The following MIPEP variants were observed in gnomAD, a reference collection of about 807,000 sequenced individuals.
The protein encoded by MIPEP is mitochondrial intermediate peptidase.
In MIPEP, 79 loss-of-function variants were observed where a neutral mutation model predicts 90.3. That is an observed-to-expected ratio of 0.87 (90% CI 0.73 to 1.05). The LOEUF is 1.05. Ranked by LOEUF, MIPEP falls within the 50% of genes least tolerant of loss-of-function variation. The probability of loss-of-function intolerance (pLI) is 0.00; values close to 1 mark genes in which losing one functional copy is unlikely to be tolerated. For synonymous variants in MIPEP, 334 were observed against 315.8 expected (o/e 1.06, Z -0.61); for missense variants, 940 against 905.6 (o/e 1.04, Z -0.49).
intron 18 of MIPEP, among the ~76,000 whole-genome samples, chr13:23,740,580 T>G (rs371554133): frequency 2.0e-5 from 3 of 152,216 alleles, no homozygotes; most frequent in Non-Finnish European, 4.4e-5. Context: ...ATCTTTTTGT[T>G]TGATCAAAGA....
Position 23,773,830 on chromosome 13 carries a change from GATAC to G in MIPEP, c.1849-13617_1849-13614del, listed in dbSNP as rs1045503879. 2.2e-4 allele frequency among the ~76,000 whole-genome samples: 34 copies of G among 152,142 alleles called. 1 individual carries two copies. Among genetic ancestry groups the G allele is most frequent in the African/African-American group, 8.2e-4 (34 of 41,410 alleles). ...TTTTCTAAAGATTAAACTCTGATCA[GATAC>G]ATATTCTCCCATTCTGTGGGTTATT... On this transcript the variant is annotated intron_variant, in intron 16 of 18. Transcript: ENST00000382172.
At position 23,730,315 on chromosome 13, in the gene MIPEP, T is replaced by C. The variant is rs1952190711; in HGVS notation, c.*33A>G. On this transcript the variant is annotated 3_prime_UTR_variant, in exon 19 of 19. Coordinates refer to ENST00000382172, the MANE Select transcript of MIPEP (RefSeq NM_005932.4). ...ATTTATAACAAAGTCATTATCTACATGACCTTGATTTAAGAGGTGTAGAGT... is the reference window on the plus strand; with the variant it reads ...ATTTATAACAAAGTCATTATCTACACGACCTTGATTTAAGAGGTGTAGAGT... 7.3e-7 allele frequency: 1 copy of C among 1,372,502 alleles called. No homozygotes were observed. The highest frequency in any genetic ancestry group is 1.0e-6 in the Non-Finnish European group (1 of 967,792). 85.0% of individuals were successfully genotyped at this position (1,372,502 alleles called of 1,614,324 possible).
At chr13:23,736,370 G>T (rs573856392) in intron 18 of MIPEP, among the ~76,000 whole-genome samples, 2 of 152,188 alleles carry the variant, frequency 1.3e-5, no homozygotes, top group South Asian at 2.1e-4. Context: ...GAGGGACAGA[G>T]AATATATAAA....
intron 16 of MIPEP, among the ~76,000 whole-genome samples, chr13:23,792,348 C>G (rs1453606870): frequency 1.3e-5 from 2 of 152,170 alleles, no homozygotes; most frequent in Non-Finnish European, 2.9e-5. Flanking sequence ...ATTTCCTGAT[C>G]TTCTGCTCTC....
At chr13:23,875,063 CTT>C (rs1392319172) in intron 4 of MIPEP, among the ~76,000 whole-genome samples, 154 bp from the exon 5 acceptor site, 4 of 146,868 alleles carry the variant, frequency 2.7e-5, no homozygotes, top group African/African-American at 5.0e-5. Context: ...CACACACACA[CTT>C]TGTTTTAAAC....
At chr13:23,810,051 AAAT>A (rs1445483590) in intron 14 of MIPEP, 127 bp from the exon 15 acceptor site, 8 of 532,406 alleles carry the variant, frequency 1.5e-5, no homozygotes, top group African/African-American at 9.8e-5. Flanking sequence ...TATAGTTTAA[AAAT>A]AATAACTTTA....
rs749757346 is a variant in MIPEP at position 23,841,353 on chromosome 13, G to C, written c.1242C>G (p.Ser414Arg). The change falls in exon 11 of 19, where the codon AGC becomes AGG. Residue 414 changes from serine to arginine, a missense_variant. Coordinates refer to ENST00000382172, the MANE Select transcript of MIPEP (RefSeq NM_005932.4). ...AGCTCACCAGTTTTCGGACATCTTC[G>C]CTCCACACCTCTCCTTTTGCAGGCT... is the stretch of plus-strand genomic sequence containing the variant. ...AEQPAKGEVWSEDVRKLAVVH... is the reference protein window; with the variant it reads ...AEQPAKGEVWREDVRKLAVVH... 1.2e-6 allele frequency: 2 copies of C among 1,611,638 alleles called. No individual in the cohort carries two copies. The highest frequency in any genetic ancestry group is 2.2e-5 in the East Asian group (1 of 44,852).
intron 16 of MIPEP, among the ~76,000 whole-genome samples, chr13:23,795,368 C>T (rs1312655807): frequency 2.0e-5 from 3 of 152,166 alleles, no homozygotes; most frequent in African/African-American, 7.2e-5. Context: ...ACCCTTATGC[C>T]ATTCTTTCAA....
rs1055199788 is a variant in MIPEP at position 23,730,251 on chromosome 13, C to A, written c.*97G>T. ...TTAAAGTTTTTCAGAATTACAGAAG[C>A]GAACAATGAAATCAGAAACAAGCTC... On this transcript the variant is annotated 3_prime_UTR_variant, in exon 19 of 19. Coordinates refer to ENST00000382172, the MANE Select transcript of MIPEP (RefSeq NM_005932.4). The A allele has an allele frequency of 9.1e-6, 7 of 766,048 alleles. No homozygotes were observed. Among genetic ancestry groups the A allele is most frequent in the Non-Finnish European group, 1.5e-5 (7 of 458,272 alleles). 47.5% of individuals were successfully genotyped at this position (766,048 alleles called of 1,614,324 possible).
intron 16 of MIPEP, among the ~76,000 whole-genome samples, chr13:23,789,317 T>C (rs1043423025): frequency 6.6e-6 from 1 of 152,234 alleles, no homozygotes; most frequent in Non-Finnish European, 1.5e-5. Context: ...TCTATTACAT[T>C]TACCAACCTT....
chr13:23,824,432 C>T (rs144807675), intron 14 of MIPEP, among the ~76,000 whole-genome samples: 219 of 152,310 alleles, frequency 1.4e-3, no homozygotes, highest in African/African-American at 5.0e-3. Context: ...CATCCTGAAG[C>T]AGAGAACTCC....
chr13:23,859,621 T>G (rs1217765191), intron 9 of MIPEP, among the ~76,000 whole-genome samples: 1 of 152,220 alleles, frequency 6.6e-6, no homozygotes, highest in Non-Finnish European at 1.5e-5. Context: ...ACAGGGACTT[T>G]GTTTGCATCC....
chr13:23,807,608 T>C (rs758867580), intron 15 of MIPEP, among the ~76,000 whole-genome samples: 29 of 152,226 alleles, frequency 1.9e-4, no homozygotes, highest in Admixed American at 5.2e-4. Flanking sequence ...TCTAAACATA[T>C]AGCTAAATAT....
intron 18 of MIPEP, among the ~76,000 whole-genome samples, chr13:23,750,445 T>G (rs1481691694): frequency 1.3e-5 from 2 of 152,242 alleles, no homozygotes; most frequent in Admixed American, 1.3e-4. Context: ...TTAGGCAGTT[T>G]GCAGAATGTC....
At chr13:23,748,398 A>T (rs1296626923) in intron 18 of MIPEP, among the ~76,000 whole-genome samples, 1 of 152,236 alleles carries the variant, frequency 6.6e-6, no homozygotes, top group African/African-American at 2.4e-5. Context: ...ATTGAGGGGC[A>T]GAGACCATAA....
At chr13:23,886,187 T>TA in intron 2 of MIPEP, 146 bp downstream of exon 2, 1 of 551,348 alleles carries the variant, frequency 1.8e-6, no homozygotes. Flanking sequence ...TATTTCATCA[T>TA]AAAAAATTAT....
chr13:23,820,877 G>A (rs1369497850), intron 14 of MIPEP, among the ~76,000 whole-genome samples: 1 of 152,186 alleles, frequency 6.6e-6, no homozygotes, highest in Non-Finnish European at 1.5e-5. Flanking sequence ...AGCACAGAAG[G>A]TGCTGTATGT....
intron 11 of MIPEP, 39 bp from the exon 12 acceptor site, chr13:23,839,765 ATC>A (rs1566013212): frequency 4.9e-6 from 7 of 1,440,686 alleles, no homozygotes; most frequent in Non-Finnish European, 6.8e-6. Flanking sequence ...AAATGAGGCC[ATC>A]TGATTCTCTA....
chr13:23,756,476 G>GA (rs1454492480), intron 18 of MIPEP, 69 bp downstream of exon 18: 12 of 1,521,680 alleles, frequency 7.9e-6, no homozygotes, highest in Non-Finnish European at 1.1e-5. Flanking sequence ...TTCTTTAAAT[G>GA]AAAAAAACAT....
Sources: gnomAD v4.1 joint callset for allele counts (sites outside exome capture counted in the v4.1 genomes callset) on GRCh38, gnomAD v4.1.1 for gene constraint, MANE v1.5 for transcripts, NCBI Gene and HGNC (gene_info 2026-07-23, HGNC 2026-07-21) for gene names.